Variants in SMARCC2 observed in about 807,000 individuals in gnomAD.
The protein encoded by SMARCC2 is SWI/SNF complex subunit SMARCC2.
SMARCC2 carries 15 observed loss-of-function variants against 151.3 expected under a neutral mutation model. That is an observed-to-expected ratio of 0.10 (90% CI 0.07 to 0.15). The LOEUF (loss-of-function observed/expected upper bound fraction) is 0.15, where lower values mean the gene tolerates loss of function less well. Among genes scored for constraint, SMARCC2 ranks in the 10% least tolerant of loss-of-function variants. The pLI is 1.00. For synonymous variants in SMARCC2, 590 were observed against 609.5 expected (o/e 0.97, Z 0.47); for missense variants, 1,031 against 1,599.7 (o/e 0.64, Z 6.06).
chr12:56,174,877 AAAAGT>A, intron 15 of SMARCC2, 113 bp from the exon 16 acceptor site: 1 of 698,468 alleles, frequency 1.4e-6, no homozygotes, highest in Admixed American at 2.4e-5. Context: ...AAAGATGGAA[AAAAGT>A]AGATTATTTG....
intron 15 of SMARCC2, among the ~76,000 whole-genome samples, 179 bp downstream of exon 15, chr12:56,177,843 G>A (rs1875331032): frequency 6.6e-6 from 1 of 152,246 alleles, no homozygotes; most frequent in African/African-American, 2.4e-5. Flanking sequence ...AAGAACATGT[G>A]TCTACATGCT....
intron 23 of SMARCC2, 82 bp downstream of exon 23, chr12:56,170,062 C>T: frequency 6.9e-7 from 1 of 1,447,860 alleles, no homozygotes. Flanking sequence ...CAGCCCTTGC[C>T]CACCTAAGCT....
intron 23 of SMARCC2, 57 bp downstream of exon 23, chr12:56,170,087 T>G: frequency 6.5e-7 from 1 of 1,530,616 alleles, no homozygotes; most frequent in Non-Finnish European, 9.1e-7. Flanking sequence ...AAGGCCAACT[T>G]CCCCATCACC....
intron 1 of SMARCC2, among the ~76,000 whole-genome samples, chr12:56,189,084 G>A (rs1330996203): frequency 1.3e-5 from 2 of 151,618 alleles, no homozygotes; most frequent in East Asian, 1.9e-4. Flanking sequence ...GTGGGCTAAT[G>A]GCACCGGGGC....
chr12:56,177,938 T>C, intron 15 of SMARCC2, 84 bp downstream of exon 15: 3 of 965,308 alleles, frequency 3.1e-6, no homozygotes, highest in Non-Finnish European at 4.8e-6. Context: ...AAGAAATGTT[T>C]GCTAAACTGA....
chr12:56,186,112 T>A, intron 3 of SMARCC2, 43 bp downstream of exon 3: 1 of 1,320,362 alleles, frequency 7.6e-7, no homozygotes, highest in East Asian at 2.3e-5. Context: ...AAGGGGGATT[T>A]CCTCTAAACT....
In SMARCC2 at chr12:56,187,295, A is replaced by G. The variant is rs375920566; in HGVS notation, c.123T>C (p.Ala41=). The change falls in exon 2 of 29, where the codon GCT becomes GCC. Residue 41 remains alanine (A), a synonymous_variant. Transcript: ENST00000550164. ...LGKNYKKYIQ[A]EPPTNKSLSS... ...ACAGGGACTTGTTGGTGGGTGGTTC[A>G]GCTTGTATATACTAAGGAAAAAGAG... is the stretch of plus-strand genomic sequence containing the variant. The G allele has an allele frequency of 3.1e-6, 5 of 1,613,554 alleles. No individual in the cohort carries two copies. The African/African-American group carries it at 6.7e-5, about 22-fold the overall frequency.
intron 7 of SMARCC2, among the ~76,000 whole-genome samples, chr12:56,183,087 A>C (rs1592319792): frequency 6.6e-6 from 1 of 150,460 alleles, no homozygotes; most frequent in South Asian, 2.1e-4. Context: ...CAATCTGCCC[A>C]CCTCAGCCTC....
intron 9 of SMARCC2, 51 bp from the exon 10 acceptor site, chr12:56,181,648 A>T: frequency 6.2e-7 from 1 of 1,613,272 alleles, no homozygotes; most frequent in Non-Finnish European, 8.5e-7. Context: ...CCCACTGAAG[A>T]TTTGTTCTGA....
intron 25 of SMARCC2, among the ~76,000 whole-genome samples, chr12:56,168,618 C>T (rs747258833): frequency 9.9e-5 from 15 of 152,098 alleles, no homozygotes; most frequent in Non-Finnish European, 2.1e-4. Context: ...AGGTGATCCA[C>T]CTGCCTCAGC....
rs1424548248 is a variant in SMARCC2, at chr12:56,169,889, G to A, written c.2435C>T (p.Ala812Val). Residue 812 changes from alanine (A) to valine (V), a missense_variant, in exon 24 of 29, where the codon GCT (alanine) becomes GTT (valine). Ala to Val is a moderately conservative substitution (Grantham distance 64). This residue lies in a region of SMARCC2 where 119 missense variants were observed against 184.2 expected (regional missense o/e 0.65). Transcript: ENST00000550164. ...EPKEPREGGGAIEEEAKEKTS... is the reference protein window; with the variant it reads ...EPKEPREGGGVIEEEAKEKTS... ...TTTCTCTTTTGCTTCCTCCTCTATA[G>A]CACCCCCTCCTTCTCGGGGTTCCTG... is the stretch of plus-strand genomic sequence containing the variant. The A allele has an allele frequency of 2.5e-6, 4 of 1,613,732 alleles. No individual in the cohort carries two copies. The highest frequency in any genetic ancestry group is 1.1e-5 in the South Asian group (1 of 91,056).
rs2135635756 is a variant in SMARCC2 at position 56,165,299 on chromosome 12, T to C, written c.3232+19A>G. ...CTGGATTCCTCTAGCCAACAAAAGT[T>C]CTGGAACATAACACTTACCATGGGG... is the stretch of plus-strand genomic sequence containing the variant. On this transcript the variant is annotated intron_variant, in intron 27 of 28. Transcript: ENST00000550164. The C allele has an allele frequency of 6.1e-6, 9 of 1,476,756 alleles. 1 individual carries two copies. In the South Asian group the frequency reaches 1.3e-4, roughly 22 times the overall value. 91.5% of individuals were successfully genotyped at this position (1,476,756 alleles called of 1,614,324 possible).
Position 56,181,095 on chromosome 12 carries a change from T to C in SMARCC2, c.963A>G (p.Ser321=). The C allele has an allele frequency of 1.2e-6, 2 of 1,611,856 alleles. No individual in the cohort carries two copies. The highest frequency in any genetic ancestry group is 1.7e-6 in the Non-Finnish European group (2 of 1,179,350). The change falls in exon 11 of 29, where the codon TCA becomes TCG. Residue 321 remains serine (S), a synonymous_variant. Transcript: ENST00000550164. The stretch of plus-strand genomic sequence containing the variant: ...CACGCTTTGACTTAGTGTAAGGTGT[T>C]GAGGGACTGGGAAGGAAAGAGAGTG... The part of the protein sequence containing the change: ...AKKKNAKKGP[S]TPYTKSKRGH...
intron 7 of SMARCC2, 128 bp from the exon 8 acceptor site, chr12:56,182,207 T>C (rs1694408973): frequency 4.9e-6 from 3 of 617,160 alleles, no homozygotes; most frequent in South Asian, 4.5e-5. Flanking sequence ...TTGTATTCTA[T>C]TCATTATAAA....
chr12:56,174,860 G>C, intron 15 of SMARCC2, 96 bp from the exon 16 acceptor site: 1 of 772,360 alleles, frequency 1.3e-6, no homozygotes, highest in Non-Finnish European at 2.3e-6. Context: ...GACTTCTCCT[G>C]CATGATAAAG....
intron 15 of SMARCC2, among the ~76,000 whole-genome samples, chr12:56,174,974 A>T (rs1874659821): frequency 6.6e-6 from 1 of 152,194 alleles, no homozygotes; most frequent in Non-Finnish European, 1.5e-5. Context: ...GGTTTTCTTT[A>T]AATGAATTAT....
Position 56,171,899 on chromosome 12 carries a change from G to C in SMARCC2, c.1965C>G (p.Ser655=), listed in dbSNP as rs773049841. 1.2e-6 allele frequency: 2 copies of C among 1,612,974 alleles called. No individual in the cohort carries two copies. Among genetic ancestry groups the C allele is most frequent in the African/African-American group, 1.3e-5 (1 of 74,888 alleles). ...CCTGTGTGCGGCTTCCCACATGCTC[G>C]GACACTTTGTTCCAGTCATCTTTGT... ...EMYKDDWNKV[S]EHVGSRTQDE... The change falls in exon 21 of 29, where the codon TCC becomes TCG. Residue 655 remains serine (S), a synonymous_variant. Coordinates refer to ENST00000550164, the MANE Select transcript of SMARCC2 (RefSeq NM_001330288.2). The surrounding 1 kb of genome is among the most constrained non-coding windows in gnomAD (Gnocchi z 4.2).
Position 56,170,099 on chromosome 12 carries a change from C to G in SMARCC2, c.2412+45G>C, listed in dbSNP as rs377567169. The G allele has an allele frequency of 3.0e-4, 470 of 1,550,710 alleles. 1 individual carries two copies. Among genetic ancestry groups the G allele is most frequent in the Non-Finnish European group, 3.9e-4 (440 of 1,122,480 alleles). ...AACAAGGCCAACTTCCCCATCACCACAGTGCTGCACGCAGCCCCTGCAGCT... is the reference window on the plus strand; with the variant it reads ...AACAAGGCCAACTTCCCCATCACCAGAGTGCTGCACGCAGCCCCTGCAGCT... On this transcript the variant is annotated intron_variant, in intron 23 of 28. Coordinates refer to ENST00000550164, the MANE Select transcript of SMARCC2 (RefSeq NM_001330288.2).
Position 56,168,051 on chromosome 12 carries a change from G to T in SMARCC2, c.2850+9C>A. ...AGCGCAGCAGGGTTCCAGGGCTCCT[G>T]CTACTCACTGCTTCTCGCTCCCGGT... On this transcript the variant is annotated intron_variant, in intron 26 of 28. Coordinates refer to ENST00000550164, the MANE Select transcript of SMARCC2 (RefSeq NM_001330288.2). 1 of 1,612,190 alleles carries T rather than the reference G, an allele frequency of 6.2e-7. No individual in the cohort carries two copies. Among genetic ancestry groups the T allele is most frequent in the Non-Finnish European group, 8.5e-7 (1 of 1,179,710 alleles).
Sources: allele counts gnomAD v4.1 joint callset (sites outside exome capture counted in the v4.1 genomes callset), GRCh38; gene constraint gnomAD v4.1.1; regional missense constraint gnomAD v4.1.1; non-coding constraint Gnocchi (gnomAD v3.1); transcripts MANE v1.5; gene names NCBI Gene and HGNC (gene_info 2026-07-23, HGNC 2026-07-21).